CNTN6: variants seen among roughly 807,000 people sequenced by gnomAD.
The protein encoded by CNTN6 is contactin 6, also known as contactin-6.
Under a neutral mutation model 122.8 loss-of-function variants are expected in CNTN6, and 137 were observed. That is an observed-to-expected ratio of 1.12 (90% CI 0.97 to 1.29). The LOEUF is 1.29. Among genes scored for constraint, CNTN6 ranks in the 50% most tolerant of loss-of-function variants. The pLI, the probability that CNTN6 is intolerant of heterozygous loss-of-function variation, is 0.00. For missense variants in CNTN6, 1,634 were observed against 1,223.4 expected (o/e 1.34, Z -5.01); for synonymous variants, 570 against 426.0 (o/e 1.34, Z -4.16).
intron 2 of CNTN6, among the ~76,000 whole-genome samples, chr3:1,180,253 G>A (rs1240671912): frequency 1.3e-5 from 2 of 152,182 alleles, no homozygotes; most frequent in African/African-American, 4.8e-5. Context: ...CATAAAGAAA[G>A]AGCACAAATG....
At position 1,151,446 on chromosome 3, in the gene CNTN6, G is replaced by A. The variant is rs541705877; in HGVS notation, c.55+3383G>A. 2.5e-3 allele frequency among the ~76,000 whole-genome samples: 380 copies of A among 150,268 alleles called. 1 individual carries two copies. The highest frequency in any genetic ancestry group is 9.0e-3 in the African/African-American group (358 of 39,682). On this transcript the variant is annotated intron_variant, in intron 2 of 22. Transcript: ENST00000446702. ...TTTCTAGAAATAGAATTGTAATAAC[G>A]TTTTAAAAGTTTTAAATCATGCCGT...
At chr3:1,183,402 G>C (rs961412717) in intron 2 of CNTN6, among the ~76,000 whole-genome samples, 102 of 150,664 alleles carry the variant, frequency 6.8e-4, no homozygotes, top group Non-Finnish European at 1.3e-4. Context: ...AAAAAGAAAT[G>C]GATTGATTAG....
intron 7 of CNTN6, among the ~76,000 whole-genome samples, chr3:1,311,177 A>C (rs537808504): frequency 3.3e-5 from 5 of 149,774 alleles, no homozygotes; most frequent in African/African-American, 1.2e-4. Context: ...TATATATAAA[A>C]TGTCTTTATA....
rs534439651 is a variant in CNTN6 at position 1,127,842 on chromosome 3, A to G, written c.-82-20085A>G. On this transcript the variant is annotated intron_variant, in intron 1 of 22. Transcript: ENST00000446702. ...TTGATGTGGTATTTTCTAATATCTG[A>G]TACAGCTTTTCAATTTTGTGTGTGT... Among the ~76,000 whole-genome samples the G allele has an allele frequency of 2.0e-3, 298 of 151,918 alleles. 1 individual carries two copies. The highest frequency in any genetic ancestry group is 6.8e-3 in the African/African-American group (284 of 41,464).
At chr3:1,095,796 T>C (rs545934344) in intron 1 of CNTN6, among the ~76,000 whole-genome samples, 7 of 152,342 alleles carry the variant, frequency 4.6e-5, no homozygotes, top group Admixed American at 3.9e-4. Context: ...ACCACCTCAA[T>C]TTAAACTACA....
At chr3:1,098,797 T>TATAC (rs2090691104) in intron 1 of CNTN6, among the ~76,000 whole-genome samples, 2 of 114,334 alleles carry the variant, frequency 1.7e-5, no homozygotes, top group Non-Finnish European at 3.2e-5. Flanking sequence ...CACATATATA[T>TATAC]ATATATATAT....
intron 4 of CNTN6, among the ~76,000 whole-genome samples, chr3:1,267,833 A>T (rs1358171607): frequency 1.3e-5 from 2 of 152,074 alleles, no homozygotes; most frequent in Admixed American, 1.3e-4. Context: ...TGGAATATAC[A>T]CGTTTCTTTT....
At chr3:1,204,396 C>A (rs2093929149) in intron 2 of CNTN6, among the ~76,000 whole-genome samples, 1 of 152,168 alleles carries the variant, frequency 6.6e-6, no homozygotes, top group Non-Finnish European at 1.5e-5. Context: ...GGGTCAAATA[C>A]CCAGAAGTTC....
At chr3:1,102,667 G>A (rs1459899780) in intron 1 of CNTN6, among the ~76,000 whole-genome samples, 3 of 149,974 alleles carry the variant, frequency 2.0e-5, no homozygotes, top group African/African-American at 7.3e-5. Flanking sequence ...GGCGGAGCTT[G>A]CAGTGAGCAG....
chr3:1,254,931 T>C (rs2094728341), intron 4 of CNTN6, among the ~76,000 whole-genome samples: 1 of 152,020 alleles, frequency 6.6e-6, no homozygotes, highest in Admixed American at 6.6e-5. Context: ...TCTGGTCTTC[T>C]TGGGGTTCAG....
intron 1 of CNTN6, among the ~76,000 whole-genome samples, chr3:1,139,173 T>C (rs576211059): frequency 6.6e-6 from 1 of 152,318 alleles, no homozygotes; most frequent in South Asian, 2.1e-4. Flanking sequence ...TAGTACAGTT[T>C]AGTAATGGCA....
At chr3:1,137,444 G>T (rs1341357162) in intron 1 of CNTN6, among the ~76,000 whole-genome samples, 1 of 152,166 alleles carries the variant, frequency 6.6e-6, no homozygotes, top group Non-Finnish European at 1.5e-5. Context: ...ACTACCAGTT[G>T]ATGACCCCTG....
At chr3:1,156,711 T>G (rs1054917855) in intron 2 of CNTN6, among the ~76,000 whole-genome samples, 4 of 117,432 alleles carry the variant, frequency 3.4e-5, no homozygotes, top group African/African-American at 1.2e-4. Context: ...CTTCCTTCCT[T>G]CTTCTTTCTT....
intron 4 of CNTN6, among the ~76,000 whole-genome samples, chr3:1,255,620 G>A (rs752377021): frequency 4.0e-5 from 6 of 151,776 alleles, no homozygotes; most frequent in Admixed American, 6.6e-5. Flanking sequence ...AATTGATGAC[G>A]TTACCTAATT....
At chr3:1,180,951 T>C (rs536036045) in intron 2 of CNTN6, among the ~76,000 whole-genome samples, 1 of 152,080 alleles carries the variant, frequency 6.6e-6, no homozygotes, top group South Asian at 2.1e-4. Context: ...CTTGTTCTTA[T>C]TTTTTTTACT....
intron 1 of CNTN6, among the ~76,000 whole-genome samples, chr3:1,110,334 C>T (rs751172409): frequency 6.6e-6 from 1 of 152,036 alleles, no homozygotes; most frequent in Non-Finnish European, 1.5e-5. Flanking sequence ...GAAGAAACCA[C>T]ATAAAACAGG....
At chr3:1,340,471 G>A (rs1285833052) in intron 11 of CNTN6, among the ~76,000 whole-genome samples, 1 of 152,174 alleles carries the variant, frequency 6.6e-6, no homozygotes, top group Non-Finnish European at 1.5e-5. Context: ...ATGTTCGGAA[G>A]ACTGATTGGA....
At chr3:1,247,439 T>C (rs1194804311) in intron 4 of CNTN6, among the ~76,000 whole-genome samples, 1 of 147,120 alleles carries the variant, frequency 6.8e-6, no homozygotes, top group Non-Finnish European at 1.5e-5. Flanking sequence ...GCTATTAAAA[T>C]AGACTATATG....
intron 2 of CNTN6, among the ~76,000 whole-genome samples, chr3:1,215,802 T>A (rs2094122238): frequency 6.6e-6 from 1 of 152,118 alleles, no homozygotes; most frequent in African/African-American, 2.4e-5. Context: ...GGGAAATATA[T>A]TTTTTGAATT....
Sources: gnomAD v4.1 joint callset for allele counts (sites outside exome capture counted in the v4.1 genomes callset) on GRCh38, gnomAD v4.1.1 for gene constraint, MANE v1.5 for transcripts, NCBI Gene and HGNC (gene_info 2026-07-23, HGNC 2026-07-21) for gene names.